The following TMPRSS9 variants were observed in gnomAD, a reference collection of about 807,000 sequenced individuals.
TMPRSS9 encodes transmembrane serine protease 9.
TMPRSS9 carries 113 observed loss-of-function variants against 111.4 expected under a neutral mutation model. That is an observed-to-expected ratio of 1.01 (90% CI 0.87 to 1.19). The LOEUF (loss-of-function observed/expected upper bound fraction) is 1.19, where lower values mean the gene tolerates loss of function less well. TMPRSS9 is among the 50% of genes most tolerant of loss of function. TMPRSS9 has a pLI of 0.00. For missense variants in TMPRSS9, 1,803 were observed against 1,513.1 expected (o/e 1.19, Z -3.18); for synonymous variants, 805 against 659.1 (o/e 1.22, Z -3.39).
chr19:2,413,046 T>G (rs1186675173), intron 9 of TMPRSS9, among the ~76,000 whole-genome samples: 1 of 151,814 alleles, frequency 6.6e-6, no homozygotes, highest in Non-Finnish European at 1.5e-5. Context: ...ATACAAGAAA[T>G]TAGCCGGGCG....
At chr19:2,394,201 C>T (rs1411315530) in intron 1 of TMPRSS9, among the ~76,000 whole-genome samples, 2 of 151,674 alleles carry the variant, frequency 1.3e-5, no homozygotes, top group Admixed American at 6.6e-5. Context: ...GAGACTGTGT[C>T]AAGAAAAGAG....
chr19:2,408,323 C>T (rs763703261), intron 7 of TMPRSS9, 33 bp from the exon 9 acceptor site: 32 of 1,600,596 alleles, frequency 2.0e-5, no homozygotes, highest in African/African-American at 5.4e-5. Context: ...CTCTGACCCT[C>T]GGTGGCTTCT....
chr19:2,389,731 C>A, upstream of TMPRSS9: 1 of 1,565,546 alleles, frequency 6.4e-7, no homozygotes, highest in Non-Finnish European at 8.7e-7. Context: ...CCTCTGACCC[C>A]GTGTTTCTGT....
intron 1 of TMPRSS9, among the ~76,000 whole-genome samples, chr19:2,361,621 C>T (rs1434315351): frequency 6.6e-6 from 1 of 152,144 alleles, no homozygotes; most frequent in East Asian, 1.9e-4. Context: ...CCCCGCATGA[C>T]CGGGAATGAC....
chr19:2,399,154 C>T (rs745406062), exon 4 of TMPRSS9: 1 of 1,611,830 alleles, frequency 6.2e-7, no homozygotes, highest in Non-Finnish European at 8.5e-7. Flanking sequence ...CGGCATCTCC[C>T]TGGCTGCCTA....
At chr19:2,418,351 C>CTT (rs1180204752) in intron 13 of TMPRSS9, among the ~76,000 whole-genome samples, 1 of 24,782 alleles carries the variant, frequency 4.0e-5, no homozygotes, top group African/African-American at 2.7e-4. Flanking sequence ...CTCCCTTTCC[C>CTT]TCCCTCCCTC....
At position 2,363,811 on chromosome 19, in the gene TMPRSS9, C is replaced by CACGT. The variant is rs1444506826; in HGVS notation, c.-26+3451_-26+3452insACGT. Among the ~76,000 whole-genome samples the CACGT allele has an allele frequency of 6.5e-3, 743 of 114,894 alleles. 12 individuals are homozygous for CACGT. Among genetic ancestry groups the CACGT allele is most frequent in the African/African-American group, 0.023 (693 of 29,900 alleles). The allele number at this position is 114,894 out of a possible 152,430, so 75.4% of individuals were successfully genotyped here. On this transcript the variant is annotated intron_variant, in intron 1 of 17. Coordinates refer to the TMPRSS9 transcript ENST00000649857. ...GTGAGTGTGTGTGTGTGTGCGTGCG[C>CACGT]GCGTGTGTGTGTGAGAGAGAGAGAG...
intron 9 of TMPRSS9, among the ~76,000 whole-genome samples, chr19:2,410,651 C>G (rs1042873180): frequency 1.3e-5 from 2 of 152,116 alleles, no homozygotes; most frequent in Non-Finnish European, 2.9e-5. Context: ...TCTAACCTGA[C>G]TTCAATCCCT....
At chr19:2,396,427 G>A in intron 1 of TMPRSS9, 112 bp from the exon 3 acceptor site, 4 of 1,329,746 alleles carry the variant, frequency 3.0e-6, no homozygotes, top group Non-Finnish European at 3.0e-6. Flanking sequence ...TGCGTGTCAG[G>A]AGTGACCACC....
intron 13 of TMPRSS9, among the ~76,000 whole-genome samples, chr19:2,418,369 T>TCCTTG (rs1971329475): frequency 2.1e-5 from 1 of 46,780 alleles, no homozygotes; most frequent in African/African-American, 1.1e-4. Flanking sequence ...CTCCCTTCCC[T>TCCTTG]TCCCTCCCTC....
intron 9 of TMPRSS9, 77 bp downstream of exon 10, chr19:2,410,471 G>T: frequency 6.4e-7 from 1 of 1,551,496 alleles, no homozygotes; most frequent in Non-Finnish European, 8.7e-7. Context: ...GCAATTCACA[G>T]ATATCTGGAT....
chr19:2,406,604 G>C (rs1469738999), intron 7 of TMPRSS9, among the ~76,000 whole-genome samples: 1 of 151,654 alleles, frequency 6.6e-6, no homozygotes, highest in Non-Finnish European at 1.5e-5. Flanking sequence ...CAAAGTGCTG[G>C]GATTACAGGC....
chr19:2,377,095 C>T lies in TMPRSS9; in HGVS notation c.-25-12666C>T, dbSNP rs117097275. On this transcript the variant is annotated intron_variant, in intron 1 of 17. Transcript: ENST00000649857. Reference sequence around the variant, plus strand: ...ATCCCCACTCCTGGCTATCCGCATGCTGGTCATTTCTGCTTGGAGACAGTT... The same window carrying T: ...ATCCCCACTCCTGGCTATCCGCATGTTGGTCATTTCTGCTTGGAGACAGTT... Among the ~76,000 whole-genome samples, 103 of 151,266 alleles carry T rather than the reference C, an allele frequency of 6.8e-4. 1 individual carries two copies. In the East Asian group the frequency reaches 0.019, roughly 29 times the overall value.
Position 2,425,307 on chromosome 19 carries a change from G to C in TMPRSS9, c.2983+40G>C, listed in dbSNP as rs751274946. The C allele has an allele frequency of 3.7e-5, 46 of 1,230,684 alleles. 1 individual carries two copies. In the South Asian group the frequency reaches 9.0e-4, roughly 24 times the overall value. 76.2% of individuals were successfully genotyped at this position (1,230,684 alleles called of 1,614,324 possible). A position where few individuals can be genotyped will look rare whatever the true frequency, so the allele number is the denominator to read the frequency against. ...GGCCGCGGTGGTGCGGGGCTCGGGG[G>C]GCGGCCGGACGCGGTCCCCACCCGC... On this transcript the variant is annotated intron_variant, in intron 16 of 17. Transcript: ENST00000648592.
At chr19:2,362,916 ATGTGTTGTGTGTGGTTGTGTGTTGTGTG>A (rs1970212950) in intron 1 of TMPRSS9, among the ~76,000 whole-genome samples, 1 of 149,430 alleles carries the variant, frequency 6.7e-6, no homozygotes, top group African/African-American at 2.5e-5. Context: ...GTGTGTGGTA[ATGTGTTGTGTGTGGTTGTGTGTTGTGTG>A]TGTGTTGTGT....
At chr19:2,389,860 C>T (rs1439307661) in exon 1 of TMPRSS9, 3 of 1,613,950 alleles carry the variant, frequency 1.9e-6, no homozygotes. Flanking sequence ...ATGCCGCGTG[C>T]TGTCGAGCGG....
chr19:2,406,364 T>C (rs1251128790), intron 7 of TMPRSS9, among the ~76,000 whole-genome samples: 1 of 149,614 alleles, frequency 6.7e-6, no homozygotes, highest in Admixed American at 6.7e-5. Flanking sequence ...TCTCAGTCTG[T>C]CGCCCTGGCT....
At chr19:2,388,989 C>G (rs1384428173), upstream of TMPRSS9, among the ~76,000 whole-genome samples, 1 of 151,840 alleles carries the variant, frequency 6.6e-6, no homozygotes, top group Non-Finnish European at 1.5e-5. Context: ...GTGGGAACTT[C>G]AGACTTACTC....
At chr19:2,377,488 C>CT in intron 1 of TMPRSS9, among the ~76,000 whole-genome samples, 1 of 57,392 alleles carries the variant, frequency 1.7e-5, no homozygotes. Flanking sequence ...CCTCTCTCCC[C>CT]CCCACCCCTC....
Sources: allele counts gnomAD v4.1 joint callset (sites outside exome capture counted in the v4.1 genomes callset), GRCh38; gene constraint gnomAD v4.1.1; transcripts MANE v1.5; gene names NCBI Gene and HGNC (gene_info 2026-07-23, HGNC 2026-07-21).